The following CYP20A1 variants were observed in gnomAD, a reference collection of about 807,000 sequenced individuals.
The protein encoded by CYP20A1 is cytochrome P450 20A1.
CYP20A1 carries 61 observed loss-of-function variants against 61.4 expected under a neutral mutation model. The ratio of observed to expected loss-of-function variants is 0.99; its 90% CI spans 0.81 to 1.23. The LOEUF is 1.23. CYP20A1 is among the 50% of genes most tolerant of loss of function. CYP20A1 has a pLI of 0.00. For missense variants in CYP20A1, 530 were observed against 542.4 expected, an observed-to-expected ratio of 0.98 and a Z score of 0.23; for synonymous variants, 193 against 188.2, an observed-to-expected ratio of 1.03 and a Z score of -0.21.
intron 5 of CYP20A1, among the ~76,000 whole-genome samples, chr2:203,270,507 A>G (rs1457436230): frequency 2.0e-5 from 3 of 151,720 alleles, no homozygotes; most frequent in Admixed American, 6.6e-5. Flanking sequence ...GCTTTTTCTT[A>G]CTAATCTAGA....
At chr2:203,266,472 A>C in intron 4 of CYP20A1, 42 bp from the exon 5 acceptor site, 1 of 1,560,042 alleles carries the variant, frequency 6.4e-7, no homozygotes, top group Non-Finnish European at 8.8e-7. Flanking sequence ...GAGATTTAGA[A>C]AGAAGAAACA....
rs969168713 is a variant in CYP20A1, at chr2:203,303,432, G to A, written c.*6524G>A. On this transcript the variant is annotated 3_prime_UTR_variant, in exon 13 of 13. Transcript: ENST00000356079. ...TTCATAATTATTGCAAAAATAGGCC[G>A]GGCCTGTAATTCCAGCACTTTGGGA... Among the ~76,000 whole-genome samples, 4 of 151,872 alleles carry A rather than the reference G, an allele frequency of 2.6e-5. No homozygotes were observed. The highest frequency in any genetic ancestry group is 4.8e-5 in the African/African-American group (2 of 41,360).
rs2068960753 is a variant in CYP20A1, at chr2:203,300,063, AAG to A, written c.*3158_*3159del. Among the ~76,000 whole-genome samples the A allele has an allele frequency of 6.6e-6, 1 of 152,160 alleles. No homozygotes were observed. The highest frequency in any genetic ancestry group is 6.6e-5 in the Admixed American group (1 of 15,256). ...CCAAGTGTCAGATCAGATGAGATGA[AAG>A]AGGTGGAGTTTAAAGCAAGTGAGAT... On this transcript the variant is annotated 3_prime_UTR_variant, in exon 13 of 13. Transcript: ENST00000356079.
At chr2:203,258,792 A>G (rs1211715063) in intron 4 of CYP20A1, among the ~76,000 whole-genome samples, 1 of 152,102 alleles carries the variant, frequency 6.6e-6, no homozygotes. Context: ...TGTTTGCCAT[A>G]GCTGTTCCTG....
At chr2:203,275,615 G>T (rs934146642) in intron 6 of CYP20A1, among the ~76,000 whole-genome samples, 1 of 152,044 alleles carries the variant, frequency 6.6e-6, no homozygotes, top group Non-Finnish European at 1.5e-5. Flanking sequence ...AATTTTTATA[G>T]TTTTAGTACA....
In CYP20A1 at chr2:203,278,603, A is replaced by C; in HGVS notation, c.710A>C (p.Asn237Thr). ...ALMQLESVLR[N>T]IIKERKGRNF... ...ATGCAACTGGAGTCTGTTTTAAGGA[A>C]CATCATAAAAGAACGAAAAGGAAGG... The change falls in exon 7 of 13, where the codon AAC becomes ACC. Residue 237 changes from asparagine to threonine, a missense_variant. By Grantham distance (65) the Asn-to-Thr change is moderately conservative (BLOSUM62 0). Coordinates refer to ENST00000356079, the MANE Select transcript of CYP20A1 (RefSeq NM_177538.3). 1.2e-6 allele frequency: 2 copies of C among 1,602,942 alleles called. No homozygotes were observed. The highest frequency in any genetic ancestry group is 2.3e-5 in the South Asian group (2 of 88,244).
At position 203,305,091 on chromosome 2, in the gene CYP20A1, A is replaced by G. The variant is rs1162023617; in HGVS notation, c.*8183A>G. 6.6e-6 allele frequency among the ~76,000 whole-genome samples: 1 copy of G among 151,278 alleles called. No individual in the cohort carries two copies. The highest frequency in any genetic ancestry group is 1.5e-5 in the Non-Finnish European group (1 of 67,818). ...ACTAAATGGATAATTGTAAAGTTTG[A>G]GTTGGGACCCATTTTTTAAGACATT... On this transcript the variant is annotated 3_prime_UTR_variant, in exon 13 of 13. Transcript: ENST00000356079.
At chr2:203,263,182 T>G (rs1250036986) in intron 4 of CYP20A1, among the ~76,000 whole-genome samples, 2 of 150,838 alleles carry the variant, frequency 1.3e-5, no homozygotes, top group African/African-American at 4.9e-5. Context: ...AGAGACGGGA[T>G]TTCACCACGT....
chr2:203,283,233 T>TTA (rs2068117070), intron 8 of CYP20A1, among the ~76,000 whole-genome samples: 1 of 147,712 alleles, frequency 6.8e-6, no homozygotes, highest in African/African-American at 2.5e-5. Context: ...TTTTTTTTTT[T>TTA]TGAGGCAGAG....
intron 11 of CYP20A1, among the ~76,000 whole-genome samples, chr2:203,295,240 T>C (rs1294506480): frequency 2.6e-5 from 4 of 151,528 alleles, no homozygotes; most frequent in Non-Finnish European, 5.9e-5. Flanking sequence ...CCACCGCGCC[T>C]GGCCAAAAAT....
intron 7 of CYP20A1, 93 bp downstream of exon 7, chr2:203,278,781 G>T: frequency 1.6e-6 from 1 of 639,336 alleles, no homozygotes; most frequent in South Asian, 2.6e-5. Context: ...TTGAGAGGGT[G>T]AGGTGGGAGG....
intron 6 of CYP20A1, among the ~76,000 whole-genome samples, chr2:203,275,151 A>G (rs1460107550): frequency 6.6e-6 from 1 of 152,226 alleles, no homozygotes; most frequent in Non-Finnish European, 1.5e-5. Flanking sequence ...ATCTGAGATC[A>G]GGGTGTCGTG....
At chr2:203,260,969 TC>T (rs1421946304) in intron 4 of CYP20A1, among the ~76,000 whole-genome samples, 1 of 152,206 alleles carries the variant, frequency 6.6e-6, no homozygotes, top group Non-Finnish European at 1.5e-5. Context: ...TTTTTCTTAT[TC>T]TTTTTTTCTC....
chr2:203,285,487 T>C (rs867031750), intron 8 of CYP20A1, 125 bp from the exon 9 acceptor site: 5 of 1,084,000 alleles, frequency 4.6e-6, no homozygotes, highest in Middle Eastern at 3.3e-4. Context: ...TTATATATCT[T>C]CTATATCATG....
chr2:203,290,723 A>G (rs1296257104), intron 10 of CYP20A1, among the ~76,000 whole-genome samples: 1 of 152,048 alleles, frequency 6.6e-6, no homozygotes, highest in East Asian at 1.9e-4. Context: ...GCTCACTGCA[A>G]CCTCCGCCTC....
chr2:203,277,355 A>AAAAGG (rs1308662530), intron 6 of CYP20A1, among the ~76,000 whole-genome samples: 2 of 3,576 alleles, frequency 5.6e-4, no homozygotes, highest in Non-Finnish European at 9.8e-3. Flanking sequence ...CTCAAAAAAA[A>AAAAGG]AAAGAAAAAG....
At chr2:203,254,241 G>A (rs563384541) in intron 4 of CYP20A1, among the ~76,000 whole-genome samples, 11 of 152,080 alleles carry the variant, frequency 7.2e-5, no homozygotes, top group African/African-American at 2.7e-4. Flanking sequence ...CACCGTGCCC[G>A]GCCTTGTTCT....
Position 203,273,659 on chromosome 2 carries a change from A to G in CYP20A1, c.679+911A>G, listed in dbSNP as rs536281435. Among the ~76,000 whole-genome samples the G allele has an allele frequency of 2.1e-3, 320 of 152,216 alleles. 5 individuals are homozygous for G. The highest frequency in any genetic ancestry group is 7.6e-3 in the African/African-American group (315 of 41,550). On this transcript the variant is annotated intron_variant, in intron 6 of 12. Coordinates refer to ENST00000356079, the MANE Select transcript of CYP20A1 (RefSeq NM_177538.3). ...TCAAAAAATTTAAAAAATTAGCAAC[A>G]TAGGCCCAGTGCGGTAGCTCACACC...
intron 5 of CYP20A1, among the ~76,000 whole-genome samples, chr2:203,268,988 A>G (rs2067446242): frequency 1.3e-5 from 2 of 152,212 alleles, no homozygotes; most frequent in South Asian, 4.1e-4. Flanking sequence ...TACTGATTTC[A>G]CAGGTGTTAA....
Sources: allele counts gnomAD v4.1 joint callset (sites outside exome capture counted in the v4.1 genomes callset), GRCh38; gene constraint gnomAD v4.1.1; transcripts MANE v1.5; gene names NCBI Gene and HGNC (gene_info 2026-07-23, HGNC 2026-07-21).